The following DGKB variants were observed in gnomAD, a reference collection of about 807,000 sequenced individuals.
DGKB encodes the protein 90 kDa diacylglycerol kinase.
A neutral mutation model predicts 114.3 loss-of-function variants in DGKB; 67 were observed. The observed-to-expected ratio is 0.59, with a 90% CI of 0.48 to 0.72. DGKB has a LOEUF of 0.72. Ranked by LOEUF, DGKB falls within the 30% of genes least tolerant of loss-of-function variation. DGKB has a pLI of 0.00. For synonymous variants in DGKB, 398 were observed against 323.1 expected, an observed-to-expected ratio of 1.23 and a Z score of -2.49; for missense variants, 907 against 975.2, an observed-to-expected ratio of 0.93 and a Z score of 0.93.
intron 20 of DGKB, among the ~76,000 whole-genome samples, chr7:14,543,444 C>CA (rs905814687): frequency 1.0e-4 from 15 of 149,046 alleles, no homozygotes; most frequent in South Asian, 2.1e-4. Flanking sequence ...CACCCCATCT[C>CA]AAAAAAAACA....
chr7:14,448,981 T>C (rs17651138), intron 21 of DGKB, among the ~76,000 whole-genome samples: 11,873 of 151,874 alleles, frequency 0.078, 598 homozygotes, highest in East Asian at 0.22. Flanking sequence ...TAAACCAGAG[T>C]GGTGGCTGTA....
chr7:14,609,824 C>T (rs143210862), intron 16 of DGKB, among the ~76,000 whole-genome samples: 2 of 151,976 alleles, frequency 1.3e-5, no homozygotes, highest in Non-Finnish European at 2.9e-5. Context: ...CAATAAAACA[C>T]CATCTCACGC....
At chr7:14,716,842 C>T (rs1478518213) in intron 6 of DGKB, among the ~76,000 whole-genome samples, 1 of 152,044 alleles carries the variant, frequency 6.6e-6, no homozygotes, top group African/African-American at 2.4e-5. Context: ...AGAAAAGAGA[C>T]CTACGGCATC....
intron 23 of DGKB, among the ~76,000 whole-genome samples, chr7:14,195,649 CTTTAT>C (rs1784910212): frequency 1.3e-5 from 2 of 152,120 alleles, no homozygotes; most frequent in South Asian, 4.2e-4. Context: ...TCTATGGTCC[CTTTAT>C]TTTAGTTTCA....
chr7:14,215,864 TA>T (rs1484124506), intron 23 of DGKB, among the ~76,000 whole-genome samples: 1 of 152,192 alleles, frequency 6.6e-6, no homozygotes, highest in Non-Finnish European at 1.5e-5. Context: ...AGTCAAACAT[TA>T]AAAAAATTTA....
At chr7:14,207,476 C>T (rs1362007742) in intron 23 of DGKB, among the ~76,000 whole-genome samples, 1 of 152,042 alleles carries the variant, frequency 6.6e-6, no homozygotes, top group East Asian at 2.0e-4. Context: ...CCCAGCTTCT[C>T]TGTGGTGAGG....
intron 15 of DGKB, among the ~76,000 whole-genome samples, chr7:14,619,275 A>G (rs1020470081): frequency 6.6e-6 from 1 of 151,620 alleles, no homozygotes; most frequent in South Asian, 2.1e-4. Context: ...AGTTATAAAA[A>G]GTTATTATCT....
chr7:14,827,032 T>C lies in DGKB; in HGVS notation c.70+14162A>G, dbSNP rs758828246. The stretch of plus-strand genomic sequence containing the variant: ...ATGCTAAAACAATGGCATTGCCAGT[T>C]TTAACATTGTGGGACTCAGGCAGAA... On this transcript the variant is annotated intron_variant, in intron 2 of 25. Transcript: ENST00000402815. Among the ~76,000 whole-genome samples the C allele has an allele frequency of 6.7e-4, 102 of 152,036 alleles. 1 individual carries two copies. Among genetic ancestry groups the C allele is most frequent in the Admixed American group, 2.6e-4 (4 of 15,240 alleles).
intron 21 of DGKB, among the ~76,000 whole-genome samples, chr7:14,420,133 A>G (rs575271059): frequency 6.6e-6 from 1 of 152,070 alleles, no homozygotes; most frequent in Non-Finnish European, 1.5e-5. Context: ...ACTGGTGTTT[A>G]AAAGAAATAG....
intron 14 of DGKB, among the ~76,000 whole-genome samples, chr7:14,622,576 T>C (rs1807852676): frequency 6.6e-6 from 1 of 152,178 alleles, no homozygotes; most frequent in South Asian, 2.1e-4. Flanking sequence ...TCCTGCCTAC[T>C]CTGTCCCTAG....
At position 14,313,431 on chromosome 7, in the gene DGKB, C is replaced by A. The variant is rs553300414; in HGVS notation, c.2122+25084G>T. On this transcript the variant is annotated intron_variant, in intron 23 of 25. Transcript: ENST00000402815. ...GTGGGTGTGCGCACAGTGCGCGAGC[C>A]GAAGCAGGGCGAGGCATTGCCTCAC... is the stretch of plus-strand genomic sequence containing the variant. 4.8e-3 allele frequency among the ~76,000 whole-genome samples: 736 copies of A among 151,924 alleles called. 5 individuals carry two copies. Among genetic ancestry groups the A allele is most frequent in the African/African-American group, 0.017 (712 of 41,340 alleles).
intron 22 of DGKB, among the ~76,000 whole-genome samples, chr7:14,339,116 G>A (rs979610938): frequency 1.3e-5 from 2 of 151,696 alleles, no homozygotes; most frequent in African/African-American, 4.8e-5. Flanking sequence ...CACACTGCAA[G>A]GTACTATTGG....
At chr7:14,309,858 A>G (rs1447985706) in intron 23 of DGKB, among the ~76,000 whole-genome samples, 4 of 152,216 alleles carry the variant, frequency 2.6e-5, no homozygotes, top group Admixed American at 2.6e-4. Context: ...CTGCAGGTGC[A>G]GGAAGAGTAC....
chr7:14,896,394 T>C (rs1782105898), intron 1 of DGKB, among the ~76,000 whole-genome samples: 1 of 151,680 alleles, frequency 6.6e-6, no homozygotes, highest in African/African-American at 2.4e-5. Flanking sequence ...TTAATAAGAA[T>C]ATTTGGGGCA....
At chr7:14,802,863 A>G (rs1183957315) in intron 2 of DGKB, among the ~76,000 whole-genome samples, 3 of 152,158 alleles carry the variant, frequency 2.0e-5, no homozygotes, top group Non-Finnish European at 4.4e-5. Flanking sequence ...GCATATTTAT[A>G]TGTTCACATA....
intron 13 of DGKB, among the ~76,000 whole-genome samples, chr7:14,658,327 A>C (rs1206819634): frequency 6.6e-6 from 1 of 151,972 alleles, no homozygotes; most frequent in African/African-American, 2.4e-5. Flanking sequence ...AGAAAGATTA[A>C]TATTACATGT....
chr7:14,457,353 A>T (rs1437372429), intron 21 of DGKB, among the ~76,000 whole-genome samples: 1 of 152,182 alleles, frequency 6.6e-6, no homozygotes, highest in Non-Finnish European at 1.5e-5. Context: ...AACTGGGTAA[A>T]GTTATTAAAA....
intron 9 of DGKB, among the ~76,000 whole-genome samples, chr7:14,691,188 T>C (rs1822803156): frequency 6.6e-6 from 1 of 152,200 alleles, no homozygotes; most frequent in Admixed American, 6.5e-5. Context: ...ACATTAGAAG[T>C]GAAGATTACT....
chr7:14,347,701 A>G (rs1368282944), intron 21 of DGKB, among the ~76,000 whole-genome samples: 1 of 152,016 alleles, frequency 6.6e-6, no homozygotes, highest in East Asian at 1.9e-4. Context: ...AATGTACAGT[A>G]TGGTGGCTAT....
Sources: allele counts gnomAD v4.1 joint callset (sites outside exome capture counted in the v4.1 genomes callset), GRCh38; gene constraint gnomAD v4.1.1; transcripts MANE v1.5; gene names NCBI Gene and HGNC (gene_info 2026-07-23, HGNC 2026-07-21).